The following BCAS3 variants were observed in gnomAD, a reference collection of about 807,000 sequenced individuals.
BCAS3 encodes BCAS3 microtubule associated cell migration factor, also known as BCAS4/BCAS3 fusion.
BCAS3 carries 53 observed loss-of-function variants against 116.1 expected under a neutral mutation model. The observed-to-expected ratio is 0.46, with a 90% CI of 0.37 to 0.57. BCAS3 has a LOEUF of 0.57. Ranked by LOEUF, BCAS3 falls within the 20% of genes least tolerant of loss-of-function variation. The pLI is 0.00. For missense variants in BCAS3, 917 were observed against 1,165.4 expected (o/e 0.79, Z 3.10); for synonymous variants, 391 against 408.2 (o/e 0.96, Z 0.51).
intron 14 of BCAS3, among the ~76,000 whole-genome samples, chr17:60,972,000 C>G (rs1176407935): frequency 6.6e-6 from 1 of 152,186 alleles, no homozygotes; most frequent in Non-Finnish European, 1.5e-5. Context: ...CTGAGTACTT[C>G]AGCAGCCATT....
intron 22 of BCAS3, chr17:61,157,500 C>G (rs1243581453): frequency 6.6e-6 from 1 of 151,894 alleles, no homozygotes; most frequent in Non-Finnish European, 1.5e-5. Flanking sequence ...CAGAAACGCT[C>G]TCCCTCTCCG....
rs1364193822 is a variant in BCAS3, at chr17:60,961,750, ACT to A, written c.1221+14403_1221+14404del. ...CCTGGCCTCTGATAACTGCCATTCT[ACT>A]CTCTATCTTCATGAGGCCCACTGCT... On this transcript the variant is annotated intron_variant, in intron 14 of 23. Coordinates refer to ENST00000407086, the MANE Select transcript of BCAS3 (RefSeq NM_017679.5). The surrounding 1 kb of genome is among the most constrained non-coding windows in gnomAD (Gnocchi z 4.8). Among the ~76,000 whole-genome samples, 2 of 146,706 alleles carry A rather than the reference ACT, an allele frequency of 1.4e-5. No individual in the cohort carries two copies. Among genetic ancestry groups the A allele is most frequent in the African/African-American group, 2.5e-5 (1 of 39,834 alleles).
chr17:60,954,782 G>A (rs1360400778), intron 14 of BCAS3, among the ~76,000 whole-genome samples: 1 of 151,992 alleles, frequency 6.6e-6, no homozygotes, highest in Non-Finnish European at 1.5e-5. Flanking sequence ...TTACCTTCTT[G>A]AGGGTAATAA....
At chr17:61,027,591 T>C (rs2066346504) in intron 16 of BCAS3, 2 of 250,286 alleles carry the variant, frequency 8.0e-6, no homozygotes, top group African/African-American at 4.6e-5. Context: ...AATACTTTCA[T>C]GTAAAGATAG....
chr17:60,720,928 A>G (rs1285664354), intron 5 of BCAS3, among the ~76,000 whole-genome samples: 1 of 152,178 alleles, frequency 6.6e-6, no homozygotes, highest in African/African-American at 2.4e-5. Flanking sequence ...CGGTACTTCA[A>G]TGACCTAACA....
chr17:60,717,955 A>G (rs2038820692), intron 5 of BCAS3, among the ~76,000 whole-genome samples: 1 of 152,230 alleles, frequency 6.6e-6, no homozygotes, highest in Non-Finnish European at 1.5e-5. Context: ...GTGATGGGAA[A>G]CAGTGACAGA....
chr17:61,022,191 G>T (rs973685619), intron 16 of BCAS3, among the ~76,000 whole-genome samples: 2 of 152,054 alleles, frequency 1.3e-5, no homozygotes, highest in African/African-American at 2.4e-5. Context: ...CTGTAAATCT[G>T]GGAATTTTTT....
In BCAS3 at chr17:61,363,149, G is replaced by C. The variant is rs139764200; in HGVS notation, c.2426-5178G>C. ...AGTACGGAAATAAGGCCACAGGAAT[G>C]ATCTAATTAACCTGGGGTCCACAGG... On this transcript the variant is annotated intron_variant, in intron 22 of 23. Transcript: ENST00000407086. The surrounding 1 kb of genome is among the most constrained non-coding windows in gnomAD (Gnocchi z 4.9). Among the ~76,000 whole-genome samples, 1 of 152,288 alleles carries C rather than the reference G, an allele frequency of 6.6e-6. No individual in the cohort carries two copies. Among genetic ancestry groups the C allele is most frequent in the Admixed American group, 6.5e-5 (1 of 15,286 alleles).
intron 19 of BCAS3, among the ~76,000 whole-genome samples, chr17:61,062,593 G>A (rs1208833343): frequency 1.3e-5 from 2 of 152,172 alleles, no homozygotes; most frequent in African/African-American, 2.4e-5. Context: ...TATTGTGTGT[G>A]TCTCTCCAGG....
At chr17:60,770,829 AATTTGTTTTTTTTTT>A (rs2044606314) in intron 6 of BCAS3, among the ~76,000 whole-genome samples, 1 of 130,754 alleles carries the variant, frequency 7.6e-6, no homozygotes, top group African/African-American at 3.2e-5. Context: ...CTAAAACTGA[AATTTGTTTTTTTTTT>A]TTTTTTTTTT....
At chr17:60,819,264 CTT>C (rs1335145143) in intron 7 of BCAS3, among the ~76,000 whole-genome samples, 1 of 152,138 alleles carries the variant, frequency 6.6e-6, no homozygotes, top group African/African-American at 2.4e-5. Context: ...CTGACTGACA[CTT>C]AATACAATTT....
intron 22 of BCAS3, among the ~76,000 whole-genome samples, chr17:61,110,540 TAA>T (rs1331893671): frequency 6.6e-6 from 1 of 151,568 alleles, no homozygotes; most frequent in African/African-American, 2.4e-5. Context: ...CGGACCGGCT[TAA>T]AAAACGGCGC....
At chr17:61,386,925 C>T (rs980672384) in intron 23 of BCAS3, among the ~76,000 whole-genome samples, 16 of 151,990 alleles carry the variant, frequency 1.1e-4, no homozygotes, top group South Asian at 2.1e-4. Flanking sequence ...ATTACAGGCA[C>T]GTGCTACCAC....
intron 15 of BCAS3, among the ~76,000 whole-genome samples, chr17:61,000,966 T>C (rs1568084532): frequency 6.6e-6 from 1 of 152,192 alleles, no homozygotes; most frequent in African/African-American, 2.4e-5. Context: ...TTCAAAAATA[T>C]AGAGTTCACT....
At chr17:60,827,037 C>T (rs1327208467) in intron 7 of BCAS3, among the ~76,000 whole-genome samples, 1 of 152,090 alleles carries the variant, frequency 6.6e-6, no homozygotes. Context: ...ATTGATATTC[C>T]TGAATCCATG....
At position 61,333,362 on chromosome 17, in the gene BCAS3, C is replaced by A. The variant is rs1389315122; in HGVS notation, c.2426-34965C>A. Among the ~76,000 whole-genome samples, 1 of 152,190 alleles carries A rather than the reference C, an allele frequency of 6.6e-6. No homozygotes were observed. On this transcript the variant is annotated intron_variant, in intron 22 of 23. Coordinates refer to ENST00000407086, the MANE Select transcript of BCAS3 (RefSeq NM_017679.5). This position sits in a 1 kb window ranked among gnomAD's most constrained non-coding sequence, Gnocchi z 4.8. ...AATCTTCAGAGGGCACCAGTTCTTA[C>A]CAGACAATAGCTGTCTATGACCTCA...
intron 7 of BCAS3, among the ~76,000 whole-genome samples, chr17:60,848,430 C>T (rs978848608): frequency 7.2e-5 from 11 of 152,272 alleles, no homozygotes; most frequent in African/African-American, 2.6e-4. Context: ...GCGTGTTGAT[C>T]CTGCAACTTT....
chr17:61,187,356 G>A lies in BCAS3; in HGVS notation c.2425+102792G>A, dbSNP rs924875731. 7.2e-5 allele frequency among the ~76,000 whole-genome samples: 11 copies of A among 152,148 alleles called. No homozygotes were observed. In the East Asian group the frequency reaches 1.3e-3, roughly 19 times the overall value. On this transcript the variant is annotated intron_variant, in intron 22 of 23. Coordinates refer to ENST00000407086, the MANE Select transcript of BCAS3 (RefSeq NM_017679.5). Reference sequence around the variant, plus strand: ...CTGTGAAACTCCTTTCTTATCATTCGTCTTTTAGTCGTGGACAAAGCCAGT... The same window carrying A: ...CTGTGAAACTCCTTTCTTATCATTCATCTTTTAGTCGTGGACAAAGCCAGT...
chr17:61,086,214 G>A (rs368544928), intron 22 of BCAS3, among the ~76,000 whole-genome samples: 140 of 152,208 alleles, frequency 9.2e-4, no homozygotes, highest in Non-Finnish European at 1.2e-3. Flanking sequence ...TCGGCTTCCC[G>A]AGTAGCTGAG....
Sources: allele counts gnomAD v4.1 joint callset (sites outside exome capture counted in the v4.1 genomes callset), GRCh38; gene constraint gnomAD v4.1.1; non-coding constraint Gnocchi (gnomAD v3.1); transcripts MANE v1.5; gene names NCBI Gene and HGNC (gene_info 2026-07-23, HGNC 2026-07-21).